DRC8: variants seen among roughly 807,000 people sequenced by gnomAD.
DRC8 encodes dynein regulatory complex subunit 8, also known as dynein regulatory complex protein 8.
At chr1:244,976,177 G>A in the DRC8 span, among the ~76,000 whole-genome samples, 1 of 152,130 alleles carries the variant, frequency 6.6e-6, no homozygotes, top group African/African-American at 2.4e-5. Context: ...GTTGAGGCAG[G>A]AGAATTGCTT....
chr1:245,115,887 C>CT, the DRC8 span, among the ~76,000 whole-genome samples: 497 of 145,112 alleles, frequency 3.4e-3, 5 homozygotes, highest in African/African-American at 0.01. Flanking sequence ...GATCCTATCT[C>CT]TTTTTTTTTT....
the DRC8 span, among the ~76,000 whole-genome samples, chr1:245,023,295 G>T: frequency 6.6e-6 from 1 of 152,268 alleles, no homozygotes; most frequent in South Asian, 2.1e-4. Flanking sequence ...CATTTGGGTT[G>T]TTTTCATCTT....
chr1:245,040,515 C>T, the DRC8 span, among the ~76,000 whole-genome samples: 2 of 152,096 alleles, frequency 1.3e-5, no homozygotes, highest in African/African-American at 2.4e-5. Flanking sequence ...AGTCAGATAT[C>T]GTCTCAAAGT....
chr1:245,063,393 G>T, the DRC8 span, among the ~76,000 whole-genome samples: 1 of 152,126 alleles, frequency 6.6e-6, no homozygotes, highest in African/African-American at 2.4e-5. Flanking sequence ...AATCTCAGGG[G>T]TACTCCCCTA....
the DRC8 span, among the ~76,000 whole-genome samples, chr1:245,025,394 CT>C: frequency 3.3e-5 from 5 of 152,194 alleles, no homozygotes; most frequent in African/African-American, 1.2e-4. Context: ...TTTCATTTTC[CT>C]TATCTATAAA....
the DRC8 span, among the ~76,000 whole-genome samples, chr1:244,992,167 A>G: frequency 1.3e-5 from 2 of 152,346 alleles, no homozygotes; most frequent in African/African-American, 4.8e-5. Context: ...AGCTGTTTAC[A>G]GTAAAATGGC....
chr1:245,039,558 T>TA, the DRC8 span, among the ~76,000 whole-genome samples: 6 of 151,838 alleles, frequency 4.0e-5, no homozygotes, highest in Admixed American at 2.0e-4. Flanking sequence ...ACCAATAAAT[T>TA]AACGTTGGTT....
the DRC8 span, among the ~76,000 whole-genome samples, chr1:244,984,750 G>A: frequency 1.3e-5 from 2 of 151,158 alleles, no homozygotes; most frequent in Non-Finnish European, 1.5e-5. Flanking sequence ...CAGGAGAATC[G>A]CTTGAACCTG....
At chr1:245,018,297 A>C in the DRC8 span, among the ~76,000 whole-genome samples, 1 of 151,458 alleles carries the variant, frequency 6.6e-6, no homozygotes, top group African/African-American at 2.4e-5. Flanking sequence ...GGGTTATTTG[A>C]TGAGATTGCA....
the DRC8 span, among the ~76,000 whole-genome samples, chr1:245,058,002 A>C: frequency 7.9e-5 from 12 of 152,102 alleles, no homozygotes; most frequent in Non-Finnish European, 1.5e-5. Flanking sequence ...CCCTGAGACC[A>C]ACTTATTTAG....
At chr1:245,087,486 A>G in the DRC8 span, 2 of 1,396,410 alleles carry the variant, frequency 1.4e-6, no homozygotes, top group Non-Finnish European at 1.8e-6. Flanking sequence ...CTATTTTAAG[A>G]CACTTTGTTT....
At chr1:245,100,327 G>A in the DRC8 span, among the ~76,000 whole-genome samples, 1 of 152,094 alleles carries the variant, frequency 6.6e-6, no homozygotes, top group Admixed American at 6.5e-5. Flanking sequence ...GGAGGTTGCA[G>A]TGAGCCAAGA....
chr1:245,052,530 C>T, the DRC8 span, among the ~76,000 whole-genome samples: 1 of 152,246 alleles, frequency 6.6e-6, no homozygotes, highest in Non-Finnish European at 1.5e-5. Flanking sequence ...GATTCCATCA[C>T]TCTGTGGCGG....
the DRC8 span, among the ~76,000 whole-genome samples, chr1:245,042,715 TA>T: frequency 6.6e-6 from 1 of 152,258 alleles, no homozygotes; most frequent in Non-Finnish European, 1.5e-5. Flanking sequence ...ATAGAGCAGG[TA>T]AAATGTTTTG....
chr1:245,039,124 T>G, the DRC8 span, among the ~76,000 whole-genome samples: 1 of 148,678 alleles, frequency 6.7e-6, no homozygotes, highest in Non-Finnish European at 1.5e-5. Context: ...ATAGCCAATA[T>G]AGGGAATTAA....
chr1:245,060,930 A>G, the DRC8 span, among the ~76,000 whole-genome samples: 1 of 152,240 alleles, frequency 6.6e-6, no homozygotes, highest in African/African-American at 2.4e-5. Flanking sequence ...ATTTATTTGT[A>G]TATTATCTAT....
the DRC8 span, among the ~76,000 whole-genome samples, chr1:245,078,144 G>T: frequency 0.91 from 138,012 of 152,162 alleles, 63,672 homozygotes; most frequent in Non-Finnish European, 0.99. Flanking sequence ...ACCACAATGG[G>T]ATGTCACCTC....
the DRC8 span, among the ~76,000 whole-genome samples, chr1:245,092,671 T>C: frequency 4.3e-4 from 65 of 152,358 alleles, 1 homozygote; most frequent in East Asian, 0.012. Context: ...TTTTTAATAT[T>C]CTCAGGGGAT....
At chr1:245,059,439 T>TA in the DRC8 span, 7 of 1,612,990 alleles carry the variant, frequency 4.3e-6, no homozygotes, top group Non-Finnish European at 5.9e-6. Flanking sequence ...GAAGGAGAGC[T>TA]GCATGATCTG....
Sources: allele counts gnomAD v4.1 joint callset (sites outside exome capture counted in the v4.1 genomes callset), GRCh38; gene constraint gnomAD v4.1.1; transcripts MANE v1.5; gene names NCBI Gene and HGNC (gene_info 2026-07-23, HGNC 2026-07-21).